RELCH: variants seen among roughly 807,000 people sequenced by gnomAD.
RELCH encodes RAB11 binding and LisH domain, coiled-coil and HEAT repeat containing.
In RELCH, 41 loss-of-function variants were observed where a neutral mutation model predicts 150.3. The observed-to-expected ratio is 0.27, with a 90% confidence interval of 0.21 to 0.35. The LOEUF (loss-of-function observed/expected upper bound fraction) is 0.35, where lower values mean the gene tolerates loss of function less well. RELCH is among the 10% of genes least tolerant of loss of function. The pLI is 1.00. For missense variants in RELCH, 1,092 were observed against 1,467.8 expected (o/e 0.74, Z 4.18); for synonymous variants, 478 against 531.8 (o/e 0.90, Z 1.39).
chr18:62,223,138 A>G lies in RELCH; in HGVS notation c.858+1641A>G, dbSNP rs891107528. On this transcript the variant is annotated intron_variant, in intron 5 of 28. Transcript: ENST00000644646. ...AAGGAAATGATAAAGATGATAGCATAAGTCAATGACACAGGCAGCAGAAAA... is the reference window on the plus strand; with the variant it reads ...AAGGAAATGATAAAGATGATAGCATGAGTCAATGACACAGGCAGCAGAAAA... Among the ~76,000 whole-genome samples, 22 of 151,806 alleles carry G rather than the reference A, an allele frequency of 1.4e-4. No homozygotes were observed. In the South Asian group the frequency reaches 2.1e-3, roughly 14 times the overall value.
In RELCH at chr18:62,298,820, G is replaced by A. The variant is rs1397742638; in HGVS notation, c.3490G>A (p.Glu1164Lys). The change falls in exon 28 of 29, where the codon GAA becomes AAA. Residue 1164 changes from glutamate to lysine, a missense_variant. Around this residue, in one of 4 missense-constraint regions of RELCH, gnomAD observed 707 missense variants for 1,025.4 expected, o/e 0.69. Transcript: ENST00000644646. ...VILSSMIKEC[E>K]QKVENKTVQE... Reference sequence around the variant, plus strand: ...TTTAAGTTCCATGATAAAAGAATGTGAACAAAAAGTTGAAAACAAGACCGT... The same window carrying A: ...TTTAAGTTCCATGATAAAAGAATGTAAACAAAAAGTTGAAAACAAGACCGT... 1.8e-5 allele frequency: 28 copies of A among 1,588,956 alleles called. No homozygotes were observed. The highest frequency in any genetic ancestry group is 2.4e-5 in the Non-Finnish European group (28 of 1,161,000).
intron 10 of RELCH, among the ~76,000 whole-genome samples, chr18:62,243,669 G>A (rs1428658327): frequency 1.3e-5 from 2 of 152,058 alleles, no homozygotes; most frequent in Non-Finnish European, 2.9e-5. Flanking sequence ...CATCTCTTAG[G>A]AAGCATCTTC....
chr18:62,245,461 T>G (rs770287701), intron 11 of RELCH, among the ~76,000 whole-genome samples: 10 of 151,942 alleles, frequency 6.6e-5, no homozygotes, highest in Non-Finnish European at 1.5e-4. Context: ...CTATCTCTTC[T>G]AAAAATACGA....
Position 62,232,439 on chromosome 18 carries a change from GA to G in RELCH, c.1620+15del. The G allele has an allele frequency of 6.5e-7, 1 of 1,541,896 alleles. No individual in the cohort carries two copies. Among genetic ancestry groups the G allele is most frequent in the Non-Finnish European group, 9.0e-7 (1 of 1,115,918 alleles). ...TGGCAAAGAGAGAGGTAAGACACATGAAAGTATTTTCGTCCCAGTAATCCCA... is the reference window on the plus strand; with the variant it reads ...TGGCAAAGAGAGAGGTAAGACACATGAAGTATTTTCGTCCCAGTAATCCCA... On this transcript the variant is annotated intron_variant, in intron 10 of 28. Coordinates refer to ENST00000644646, the MANE Select transcript of RELCH (RefSeq NM_001346231.2).
intron 25 of RELCH, among the ~76,000 whole-genome samples, chr18:62,285,212 A>G (rs1023648865): frequency 6.6e-6 from 1 of 152,098 alleles, no homozygotes; most frequent in Non-Finnish European, 1.5e-5. Context: ...ATCTCAGCTC[A>G]CTGCAACCTG....
chr18:62,281,886 C>A (rs1014310367), intron 24 of RELCH, among the ~76,000 whole-genome samples: 1 of 152,134 alleles, frequency 6.6e-6, no homozygotes, highest in Admixed American at 6.5e-5. Context: ...ATAAAAATGT[C>A]TTTTAGGGAA....
chr18:62,252,500 C>T (rs2042769491), intron 11 of RELCH, among the ~76,000 whole-genome samples, 164 bp from the exon 12 acceptor site: 3 of 151,468 alleles, frequency 2.0e-5, no homozygotes, highest in African/African-American at 2.4e-5. Context: ...GCCTGGGAGA[C>T]AGCCAGACTC....
intron 1 of RELCH, among the ~76,000 whole-genome samples, chr18:62,205,662 C>T (rs2148272426): frequency 6.6e-6 from 1 of 152,220 alleles, no homozygotes; most frequent in South Asian, 2.1e-4. Context: ...CTGAAAGAAA[C>T]TATGTTATAA....
chr18:62,245,348 G>A (rs2042349720), intron 11 of RELCH, among the ~76,000 whole-genome samples: 2 of 152,166 alleles, frequency 1.3e-5, no homozygotes, highest in African/African-American at 4.8e-5. Flanking sequence ...TTTCGGCCAG[G>A]CGCCATGGCT....
chr18:62,254,668 T>C (rs2042904001), intron 12 of RELCH: 2 of 152,144 alleles, frequency 1.3e-5, no homozygotes, highest in African/African-American at 2.4e-5. Context: ...TAGATTATTA[T>C]ATAATTTTTT....
At position 62,291,260 on chromosome 18, in the gene RELCH, T is replaced by G. The variant is rs868295113; in HGVS notation, c.3371-283T>G. On this transcript the variant is annotated intron_variant, in intron 26 of 28. Coordinates refer to ENST00000644646, the MANE Select transcript of RELCH (RefSeq NM_001346231.2). ...GAAACATCTGATTGGGTTACATGACTTAATTGTTACGCTCACTTTATACAT... is the reference window on the plus strand; with the variant it reads ...GAAACATCTGATTGGGTTACATGACGTAATTGTTACGCTCACTTTATACAT... 9.8e-5 allele frequency among the ~76,000 whole-genome samples: 15 copies of G among 152,364 alleles called. 1 individual carries two copies. The highest frequency in any genetic ancestry group is 3.4e-3 in the Middle Eastern group (1 of 294).
At chr18:62,198,027 T>C (rs1416336805) in intron 1 of RELCH, among the ~76,000 whole-genome samples, 3 of 152,190 alleles carry the variant, frequency 2.0e-5, no homozygotes, top group Non-Finnish European at 2.9e-5. Flanking sequence ...AGCCAGATAG[T>C]ACAAAATTGA....
chr18:62,188,791 A>G (rs2038369268), intron 1 of RELCH, among the ~76,000 whole-genome samples: 1 of 152,180 alleles, frequency 6.6e-6, no homozygotes, highest in African/African-American at 2.4e-5. Context: ...TATATTCGTA[A>G]GCATCTCTTA....
Position 62,258,027 on chromosome 18 carries a change from C to G in RELCH, c.1976C>G (p.Ala659Gly). The part of the protein sequence containing the change: ...MEDKADLVRE[A>G]VIKSLGIIMG... ...GATAAGGCAGATTTGGTAAGAGAAG[C>G]TGTTATCAAAAGCCTTGGTATCATT... Residue 659 changes from alanine (A) to glycine (G), a missense_variant, in exon 14 of 29, where the codon GCT (alanine) becomes GGT (glycine). This residue lies in a region of RELCH where 707 missense variants were observed against 1,025.4 expected (regional missense o/e 0.69). Transcript: ENST00000644646. 1 of 1,607,884 alleles carries G rather than the reference C, an allele frequency of 6.2e-7. No individual in the cohort carries two copies.
chr18:62,191,604 C>T (rs9946808), intron 1 of RELCH, among the ~76,000 whole-genome samples: 15,242 of 152,142 alleles, frequency 0.1, 905 homozygotes, highest in East Asian at 0.19. Flanking sequence ...TGTGTTCTCA[C>T]TGTTCAGCTC....
At chr18:62,231,753 G>A (rs1252276735) in intron 9 of RELCH, among the ~76,000 whole-genome samples, 1 of 151,588 alleles carries the variant, frequency 6.6e-6, no homozygotes, top group Non-Finnish European at 1.5e-5. Flanking sequence ...TTTCTTACCT[G>A]TGTACTCACT....
intron 25 of RELCH, chr18:62,285,854 T>C (rs1364165361): frequency 6.6e-6 from 1 of 152,224 alleles, no homozygotes; most frequent in African/African-American, 2.4e-5. Flanking sequence ...ACCATCTGTC[T>C]ACATCTGAGG....
intron 11 of RELCH, chr18:62,246,097 A>G (rs1041562312): frequency 1.3e-5 from 2 of 152,186 alleles, no homozygotes; most frequent in Non-Finnish European, 2.9e-5. Context: ...ATCTGCCTGT[A>G]TATGTTCTCA....
intron 2 of RELCH, among the ~76,000 whole-genome samples, chr18:62,220,628 T>TC (rs2040807103): frequency 6.6e-6 from 1 of 152,054 alleles, no homozygotes; most frequent in East Asian, 1.9e-4. Context: ...TGCTTGGGCT[T>TC]CATCTAATTT....
Sources: gnomAD v4.1 joint callset for allele counts (sites outside exome capture counted in the v4.1 genomes callset) on GRCh38, gnomAD v4.1.1 for gene constraint, gnomAD v4.1.1 regional missense constraint, MANE v1.5 for transcripts, NCBI Gene and HGNC (gene_info 2026-07-23, HGNC 2026-07-21) for gene names.